Variants in FREM2 observed in about 807,000 individuals in gnomAD.
FREM2 encodes FRAS1 related extracellular matrix 2, also known as FRAS1-related extracellular matrix protein 2.
In FREM2, 119 loss-of-function variants were observed where a neutral mutation model predicts 219.9. That is an observed-to-expected ratio of 0.54 (90% CI 0.47 to 0.63). The LOEUF is 0.63. FREM2 is among the 30% of genes least tolerant of loss of function. FREM2 has a pLI of 0.00. For missense variants in FREM2, 4,030 were observed against 3,993.6 expected (o/e 1.01, Z -0.25); for synonymous variants, 1,562 against 1,522.8 (o/e 1.03, Z -0.60).
At chr13:38,782,720 C>T (rs924319023) in intron 4 of FREM2, among the ~76,000 whole-genome samples, 3 of 152,206 alleles carry the variant, frequency 2.0e-5, no homozygotes, top group African/African-American at 7.2e-5. Flanking sequence ...AGGTCATTTC[C>T]ACCTCTCAAG....
At chr13:38,731,183 T>C (rs186496300) in intron 2 of FREM2, among the ~76,000 whole-genome samples, 27 of 152,318 alleles carry the variant, frequency 1.8e-4, no homozygotes, top group African/African-American at 4.8e-4. Context: ...TGTGAACTTC[T>C]AGAAAATGTA....
chr13:38,876,479 T>A, intron 20 of FREM2, 97 bp downstream of exon 20: 1 of 1,009,538 alleles, frequency 9.9e-7, no homozygotes, highest in Non-Finnish European at 1.5e-6. Flanking sequence ...TGAATGACTT[T>A]AATTCTTGCA....
intron 6 of FREM2, among the ~76,000 whole-genome samples, chr13:38,795,094 C>T (rs988933561): frequency 2.0e-5 from 3 of 151,964 alleles, no homozygotes; most frequent in African/African-American, 7.2e-5. Flanking sequence ...TCCTGAATCT[C>T]CTCAAAAGGA....
At chr13:38,859,253 C>T in intron 13 of FREM2, 34 bp from the exon 14 acceptor site, 2 of 1,607,516 alleles carry the variant, frequency 1.2e-6, no homozygotes, top group Non-Finnish European at 1.7e-6. Context: ...CTGTTCTACA[C>T]TCTGTTCCTA....
chr13:38,783,510 G>A (rs1345549965), intron 5 of FREM2, among the ~76,000 whole-genome samples: 3 of 148,192 alleles, frequency 2.0e-5, no homozygotes, highest in African/African-American at 4.9e-5. Context: ...AAAGTGATGC[G>A]TGCCCAAGGA....
intron 2 of FREM2, among the ~76,000 whole-genome samples, chr13:38,758,263 CT>C (rs970440795): frequency 6.6e-6 from 1 of 152,142 alleles, no homozygotes; most frequent in Non-Finnish European, 1.5e-5. Context: ...TTTGAAGTTC[CT>C]TTTTATTTTT....
At chr13:38,743,084 A>C (rs1156277290) in intron 2 of FREM2, among the ~76,000 whole-genome samples, 1 of 152,160 alleles carries the variant, frequency 6.6e-6, no homozygotes, top group East Asian at 1.9e-4. Context: ...AAACTGATTT[A>C]ACTAAATCCA....
rs1874246694 is a variant in FREM2, at chr13:38,784,537, T to C, written c.5768-20T>C. 2.5e-6 allele frequency: 4 copies of C among 1,613,632 alleles called. No homozygotes were observed. The South Asian group carries it at 3.3e-5, about 13-fold the overall frequency. On this transcript the variant is annotated intron_variant, in intron 5 of 23. Coordinates refer to ENST00000280481, the MANE Select transcript of FREM2 (RefSeq NM_207361.6). ...TCTTATGTTCTACATAAAAATCTTT[T>C]GAATTCTCTCTGCTTCCAGGAACAG...
chr13:38,864,340 A>G lies in FREM2; in HGVS notation c.7717A>G (p.Thr2573Ala), dbSNP rs755497489. 1.2e-6 allele frequency: 2 copies of G among 1,614,166 alleles called. No homozygotes were observed. Among genetic ancestry groups the G allele is most frequent in the South Asian group, 2.2e-5 (2 of 91,078 alleles). The change falls in exon 16 of 24, where the codon ACA becomes GCA. Residue 2573 changes from threonine (T) to alanine (A), a missense_variant. Thr to Ala is a moderately conservative substitution (Grantham distance 58, BLOSUM62 0). Coordinates refer to ENST00000280481, the MANE Select transcript of FREM2 (RefSeq NM_207361.6). ...TGAGCTCACCCTCAGCCCTGATGGCACAAGAGTTGGAAACCACAAGTGCTC... is the reference window on the plus strand; with the variant it reads ...TGAGCTCACCCTCAGCCCTGATGGCGCAAGAGTTGGAAACCACAAGTGCTC... ...NFELTLSPDG[T>A]RVGNHKCSNL... is the part of the protein sequence containing the mutation.
chr13:38,754,444 C>T (rs901989750), intron 2 of FREM2, among the ~76,000 whole-genome samples: 16 of 152,078 alleles, frequency 1.1e-4, no homozygotes, highest in Non-Finnish European at 1.6e-4. Flanking sequence ...ACCTAAACAA[C>T]GTCAAATGAA....
chr13:38,701,698 C>A (rs1374244629), intron 2 of FREM2, among the ~76,000 whole-genome samples: 5 of 151,986 alleles, frequency 3.3e-5, no homozygotes, highest in Non-Finnish European at 5.9e-5. Flanking sequence ...CATGCCCCAC[C>A]CTCAACCCTA....
At chr13:38,723,265 AT>A (rs756927711) in intron 2 of FREM2, among the ~76,000 whole-genome samples, 5 of 151,622 alleles carry the variant, frequency 3.3e-5, no homozygotes, top group Admixed American at 6.6e-5. Flanking sequence ...AAAAAATAAA[AT>A]AAAACAGCTG....
At chr13:38,709,865 C>T (rs770434707) in intron 2 of FREM2, among the ~76,000 whole-genome samples, 3 of 151,838 alleles carry the variant, frequency 2.0e-5, no homozygotes, top group Non-Finnish European at 4.4e-5. Flanking sequence ...CAGTGATGGC[C>T]GGGCGCGGTG....
chr13:38,690,491 T>C lies in FREM2; in HGVS notation c.3147T>C (p.Thr1049=). The change falls in exon 1 of 24, where the codon ACT becomes ACC. Residue 1049 remains threonine, a synonymous_variant. Transcript: ENST00000280481. The part of the protein sequence containing the change: ...MSQEWRIGGN[T]IQGVTIWVTI... ...AAGAATGGAGAATTGGTGGCAATAC[T>C]ATCCAAGGAGTTACTATATGGGTGA... 6.2e-7 allele frequency: 1 copy of C among 1,614,216 alleles called. No individual in the cohort carries two copies. The highest frequency in any genetic ancestry group is 8.5e-7 in the Non-Finnish European group (1 of 1,180,030).
In FREM2 at chr13:38,861,537, C is replaced by G; in HGVS notation, c.7626C>G (p.Leu2542=). The G allele has an allele frequency of 6.2e-7, 1 of 1,613,752 alleles. No individual in the cohort carries two copies. ...EDADYTNLIK[L]TVTMPHIDGM... is the part of the protein sequence containing the mutation. The stretch of plus-strand genomic sequence containing the variant: ...CAGACTACACAAACCTTATCAAGCT[C>G]ACTGTCACAATGCCACACATAGATG... Residue 2542 remains leucine (L), a synonymous_variant, in exon 15 of 24, where the codon CTC becomes CTG. Transcript: ENST00000280481.
At chr13:38,730,013 A>G (rs1027361757) in intron 2 of FREM2, among the ~76,000 whole-genome samples, 1 of 152,218 alleles carries the variant, frequency 6.6e-6, no homozygotes, top group African/African-American at 2.4e-5. Flanking sequence ...TCTTTTTTGT[A>G]TAATTATTTG....
chr13:38,873,314 A>G (rs1878229495), intron 17 of FREM2, among the ~76,000 whole-genome samples: 1 of 152,086 alleles, frequency 6.6e-6, no homozygotes. Flanking sequence ...ACACATTTTT[A>G]TTTCTGAAAA....
chr13:38,709,490 G>A (rs1275544229), intron 2 of FREM2, among the ~76,000 whole-genome samples: 2 of 151,914 alleles, frequency 1.3e-5, no homozygotes, highest in African/African-American at 2.4e-5. Flanking sequence ...CTTACCAAGT[G>A]ATGTATGGGG....
At chr13:38,709,814 G>C (rs1289887812) in intron 2 of FREM2, among the ~76,000 whole-genome samples, 1 of 151,894 alleles carries the variant, frequency 6.6e-6, no homozygotes, top group Admixed American at 6.6e-5. Flanking sequence ...TTATTATTAA[G>C]TGACTTGTAG....
Sources: gnomAD v4.1 joint callset for allele counts (sites outside exome capture counted in the v4.1 genomes callset) on GRCh38, gnomAD v4.1.1 for gene constraint, MANE v1.5 for transcripts, NCBI Gene and HGNC (gene_info 2026-07-23, HGNC 2026-07-21) for gene names.